Variants in UBE2E3 observed in about 807,000 individuals in gnomAD.
UBE2E3 encodes ubiquitin-conjugating enzyme E2 E3.
In UBE2E3, 5 loss-of-function variants were observed where a neutral mutation model predicts 23.6. The ratio of observed to expected loss-of-function variants is 0.21; its 90% CI spans 0.11 to 0.44. UBE2E3 has a LOEUF of 0.44. Among genes scored for constraint, UBE2E3 ranks in the 20% least tolerant of loss-of-function variants. The pLI is 0.99. For missense variants in UBE2E3, 81 were observed against 249.8 expected, an observed-to-expected ratio of 0.32 and a Z score of 4.55; for synonymous variants, 78 against 87.5, an observed-to-expected ratio of 0.89 and a Z score of 0.60.
intron 1 of UBE2E3, among the ~76,000 whole-genome samples, chr2:180,981,674 G>T (rs1024473320): frequency 2.0e-5 from 3 of 152,190 alleles, no homozygotes; most frequent in Non-Finnish European, 4.4e-5. Flanking sequence ...TTTTCAGCGA[G>T]ATCTGTTATT....
intron 3 of UBE2E3, among the ~76,000 whole-genome samples, chr2:181,009,386 A>G (rs1685248758): frequency 6.6e-6 from 1 of 152,090 alleles, no homozygotes; most frequent in South Asian, 2.1e-4. Context: ...TGCAGTTTTT[A>G]CCCATTCACA....
intron 3 of UBE2E3, among the ~76,000 whole-genome samples, chr2:181,014,213 T>C (rs1053450473): frequency 6.6e-6 from 1 of 152,022 alleles, no homozygotes; most frequent in Non-Finnish European, 1.5e-5. Flanking sequence ...TTTTCAATGG[T>C]TGTGGTTGTG....
chr2:180,988,750 T>G (rs1390818432), intron 3 of UBE2E3, among the ~76,000 whole-genome samples: 1 of 152,162 alleles, frequency 6.6e-6, no homozygotes, highest in Non-Finnish European at 1.5e-5. Context: ...ATATTAGCTT[T>G]GTTGGTTGCT....
chr2:181,048,756 T>C (rs1686744395), intron 3 of UBE2E3, among the ~76,000 whole-genome samples: 2 of 152,144 alleles, frequency 1.3e-5, no homozygotes, highest in South Asian at 4.1e-4. Context: ...GAATAACAAC[T>C]GTTCACTTAT....
intron 1 of UBE2E3, 108 bp from the exon 2 acceptor site, chr2:180,981,910 T>A (rs1296700423): frequency 1.2e-6 from 1 of 802,722 alleles, no homozygotes; most frequent in East Asian, 2.7e-5. Flanking sequence ...TGAACACTTT[T>A]GAAGCTTTTT....
intron 3 of UBE2E3, among the ~76,000 whole-genome samples, chr2:181,008,427 G>C (rs906214669): frequency 6.6e-6 from 1 of 152,240 alleles, no homozygotes; most frequent in African/African-American, 2.4e-5. Context: ...TCTGGCTCCA[G>C]AGTTCATGCT....
chr2:180,992,812 CCA>C (rs1401513656), intron 3 of UBE2E3, among the ~76,000 whole-genome samples: 1 of 151,416 alleles, frequency 6.6e-6, no homozygotes, highest in Non-Finnish European at 1.5e-5. Context: ...TAGGCATGTG[CCA>C]CCACACTCAA....
At chr2:181,042,228 A>G (rs977361862) in intron 3 of UBE2E3, among the ~76,000 whole-genome samples, 32 of 152,220 alleles carry the variant, frequency 2.1e-4, no homozygotes, top group African/African-American at 7.7e-4. Context: ...GAATCAGAGA[A>G]TATGTGCTGA....
intron 5 of UBE2E3, among the ~76,000 whole-genome samples, chr2:181,062,468 A>G (rs3792220): frequency 0.23 from 35,062 of 151,420 alleles, 4,428 homozygotes; most frequent in Non-Finnish European, 0.28. Context: ...AAATATAACC[A>G]CCTAGTATAC....
At chr2:181,006,540 A>G (rs1685152377) in intron 3 of UBE2E3, among the ~76,000 whole-genome samples, 1 of 152,012 alleles carries the variant, frequency 6.6e-6, no homozygotes, top group Non-Finnish European at 1.5e-5. Context: ...CATGGAGCAC[A>G]CTTATATGCA....
intron 3 of UBE2E3, among the ~76,000 whole-genome samples, chr2:181,021,602 T>TTCCTTCCTTCCTCCCTC (rs1685692140): frequency 2.6e-5 from 1 of 38,126 alleles, no homozygotes; most frequent in African/African-American, 1.0e-4. Context: ...CTCCCTCCCT[T>TTCCTTCCTTCCTCCCTC]CCTTCCTTCC....
chr2:181,039,641 T>C (rs6433882), intron 3 of UBE2E3, among the ~76,000 whole-genome samples: 148,538 of 152,246 alleles, frequency 0.98, 72,572 homozygotes, highest in Middle Eastern at 1. Context: ...TAATTTTGGC[T>C]ATGATAAAAT....
chr2:181,029,288 A>G (rs1028025244), intron 3 of UBE2E3, among the ~76,000 whole-genome samples: 1 of 152,152 alleles, frequency 6.6e-6, no homozygotes, highest in African/African-American at 2.4e-5. Flanking sequence ...TGCCTGACGC[A>G]TTCATATAAA....
At chr2:180,989,190 A>G (rs1427441015) in intron 3 of UBE2E3, among the ~76,000 whole-genome samples, 6 of 152,092 alleles carry the variant, frequency 3.9e-5, no homozygotes, top group Non-Finnish European at 7.4e-5. Flanking sequence ...TTATTTTTCA[A>G]CAAGCTAATA....
intron 3 of UBE2E3, among the ~76,000 whole-genome samples, chr2:181,041,365 T>G (rs547846644): frequency 1.3e-3 from 194 of 152,126 alleles, no homozygotes; most frequent in African/African-American, 4.6e-3. Context: ...CATACTACTT[T>G]TTATATAGAT....
intron 3 of UBE2E3, among the ~76,000 whole-genome samples, chr2:181,036,263 A>C (rs1686276863): frequency 2.0e-5 from 3 of 152,216 alleles, no homozygotes; most frequent in Admixed American, 2.0e-4. Flanking sequence ...GTAGATCCAC[A>C]CATAAATGGT....
intron 3 of UBE2E3, among the ~76,000 whole-genome samples, chr2:180,991,062 A>G (rs939010785): frequency 6.6e-6 from 1 of 152,204 alleles, no homozygotes; most frequent in Non-Finnish European, 1.5e-5. Context: ...CAGGTGGAAT[A>G]AGTGGAAGCT....
chr2:181,038,538 C>T (rs1330830234), intron 3 of UBE2E3, among the ~76,000 whole-genome samples: 1 of 152,076 alleles, frequency 6.6e-6, no homozygotes, highest in African/African-American at 2.4e-5. Context: ...AATGTAAGAG[C>T]AAAATTTTAT....
At chr2:181,040,170 G>T (rs373212312) in intron 3 of UBE2E3, among the ~76,000 whole-genome samples, 2 of 152,076 alleles carry the variant, frequency 1.3e-5, no homozygotes, top group Non-Finnish European at 1.5e-5. Context: ...ATATGTTTGC[G>T]TTCTTCTTAG....
Sources: gnomAD v4.1 joint callset for allele counts (sites outside exome capture counted in the v4.1 genomes callset) on GRCh38, gnomAD v4.1.1 for gene constraint, MANE v1.5 for transcripts, NCBI Gene and HGNC (gene_info 2026-07-23, HGNC 2026-07-21) for gene names.